Variants in NAA50 observed in about 807,000 individuals in gnomAD.
NAA50 encodes N-alpha-acetyltransferase 50.
A neutral mutation model predicts 20.7 loss-of-function variants in NAA50; 7 were observed. The observed-to-expected ratio is 0.34, with a 90% CI of 0.19 to 0.63. The LOEUF (loss-of-function observed/expected upper bound fraction) is 0.63. Ranked by LOEUF, NAA50 falls within the 30% of genes least tolerant of loss-of-function variation. The probability of loss-of-function intolerance (pLI) is 0.75; values close to 1 mark genes in which losing one functional copy is unlikely to be tolerated. For synonymous variants in NAA50, 54 were observed against 70.6 expected (o/e 0.77, Z 1.18); for missense variants, 111 against 199.1 (o/e 0.56, Z 2.66).
Position 113,721,514 on chromosome 3 carries a change from A to C in NAA50, c.*246T>G, listed in dbSNP as rs1708135809. On this transcript the variant is annotated 3_prime_UTR_variant, in exon 5 of 5. Transcript: ENST00000240922. ...CCATCTAACTTCAACTGCAAAACTA[A>C]ACAGATCTACCTTGTCCTTCCTTCA... is the stretch of plus-strand genomic sequence containing the variant. The C allele has an allele frequency of 7.7e-6, 4 of 520,150 alleles. No homozygotes were observed. In the South Asian group the frequency reaches 9.8e-5, roughly 13 times the overall value. 32.2% of individuals were successfully genotyped at this position (520,150 alleles called of 1,614,324 possible). A position where few individuals can be genotyped will look rare whatever the true frequency, so the allele number is the denominator to read the frequency against.
Position 113,727,084 on chromosome 3 carries a change from G to T in NAA50, c.9-2989C>A, listed in dbSNP as rs555362040. Among the ~76,000 whole-genome samples the T allele has an allele frequency of 5.3e-5, 8 of 152,330 alleles. No homozygotes were observed. The South Asian group carries it at 1.7e-3, about 32-fold the overall frequency. On this transcript the variant is annotated intron_variant, in intron 1 of 4. Transcript: ENST00000240922. ...TGGGCCTACAGGCGTGAGCCACTGT[G>T]CCTGGCCAAAATATAGGATCCTTTA...
chr3:113,721,963 AAAAATT>A, intron 4 of NAA50, 26 bp from the exon 5 acceptor site: 2 of 1,589,144 alleles, frequency 1.3e-6, no homozygotes. Flanking sequence ...GTATCAGAAA[AAAAATT>A]AAAATTAAGG....
intron 1 of NAA50, chr3:113,741,019 T>C: frequency 2.0e-6 from 1 of 488,948 alleles, no homozygotes; most frequent in Non-Finnish European, 4.1e-6. Context: ...CATTAACAGT[T>C]ACTTTTCTAA....
At chr3:113,740,777 C>G (rs1708404530) in intron 1 of NAA50, 1 of 170,804 alleles carries the variant, frequency 5.9e-6, no homozygotes, top group Admixed American at 6.2e-5. Context: ...AATTGAGACC[C>G]AATGACAAAA....
chr3:113,732,966 A>G (rs1026443056), intron 1 of NAA50, among the ~76,000 whole-genome samples: 4 of 149,560 alleles, frequency 2.7e-5, no homozygotes, highest in African/African-American at 9.8e-5. Flanking sequence ...CATTGGACGT[A>G]TTTCTCTACT....
At chr3:113,729,876 C>G (rs1577069495) in intron 1 of NAA50, among the ~76,000 whole-genome samples, 3 of 152,022 alleles carry the variant, frequency 2.0e-5, no homozygotes, top group Admixed American at 2.0e-4. Flanking sequence ...TCCTTCAAAT[C>G]AAAGTTTCAT....
At chr3:113,727,705 A>G (rs1481412532) in intron 1 of NAA50, among the ~76,000 whole-genome samples, 3 of 152,098 alleles carry the variant, frequency 2.0e-5, no homozygotes, top group Non-Finnish European at 2.9e-5. Flanking sequence ...GGCCAGAAAT[A>G]AGTTTGCTGA....
In NAA50 at chr3:113,727,631, C is replaced by CT. The variant is rs748920211; in HGVS notation, c.9-3537dup. On this transcript the variant is annotated intron_variant, in intron 1 of 4. Coordinates refer to ENST00000240922, the MANE Select transcript of NAA50 (RefSeq NM_025146.4). ...CCTAACTAATTAAAAAAATACATGC[C>CT]TTTTTTTTTTTTAAAGCACACCATA... is the stretch of plus-strand genomic sequence containing the variant. 5.7e-3 allele frequency among the ~76,000 whole-genome samples: 816 copies of CT among 143,366 alleles called. 2 individuals carry two copies. Among genetic ancestry groups the CT allele is most frequent in the Non-Finnish European group, 8.2e-3 (536 of 65,016 alleles). The allele number at this position is 143,366 out of a possible 152,430, so 94.1% of individuals were successfully genotyped here.
chr3:113,729,777 T>C (rs763058288), intron 1 of NAA50, among the ~76,000 whole-genome samples: 61 of 151,974 alleles, frequency 4.0e-4, no homozygotes, highest in Non-Finnish European at 8.5e-4. Context: ...AGGCTGGTCT[T>C]GAACTCCTGA....
chr3:113,723,391 C>T, intron 3 of NAA50, 31 bp downstream of exon 3: 1 of 1,586,442 alleles, frequency 6.3e-7, no homozygotes, highest in Non-Finnish European at 8.6e-7. Context: ...TTATGCTTCT[C>T]TGAAGAAGTA....
chr3:113,742,420 C>A (rs973827428), intron 1 of NAA50, among the ~76,000 whole-genome samples: 3 of 150,022 alleles, frequency 2.0e-5, no homozygotes, highest in Non-Finnish European at 4.4e-5. Flanking sequence ...CACCAGCATG[C>A]CTGGCTTTTT....
rs1303315585 is a variant in NAA50 at position 113,716,535 on chromosome 3, T to C, written c.*5225A>G. The C allele has an allele frequency of 6.6e-6, 1 of 152,234 alleles. No homozygotes were observed. Among genetic ancestry groups the C allele is most frequent in the East Asian group, 1.9e-4 (1 of 5,206 alleles). 9.4% of individuals were successfully genotyped at this position (152,234 alleles called of 1,614,324 possible). A position where few individuals can be genotyped will look rare whatever the true frequency, so the allele number is the denominator to read the frequency against. On this transcript the variant is annotated 3_prime_UTR_variant, in exon 5 of 5. Transcript: ENST00000240922. ...AGGAGAATTCAAGATTGTTCAAATC[T>C]TTACAGAAGATTTTTGATACTAGCA...
intron 1 of NAA50, chr3:113,739,322 T>G (rs545862151): frequency 6.6e-6 from 1 of 152,352 alleles, no homozygotes; most frequent in South Asian, 2.1e-4. Flanking sequence ...CGTTAGCCCT[T>G]GGAAAGAGAA....
chr3:113,738,397 A>G (rs1708372512), intron 1 of NAA50, among the ~76,000 whole-genome samples: 1 of 152,278 alleles, frequency 6.6e-6, no homozygotes, highest in Admixed American at 6.5e-5. Context: ...CAAAAGAGAC[A>G]GCATCACTTT....
In NAA50 at chr3:113,746,238, C is replaced by A. The variant is rs1031943659; in HGVS notation, c.-289G>T. 2 of 427,836 alleles carry A rather than the reference C, an allele frequency of 4.7e-6. No individual in the cohort carries two copies. Among genetic ancestry groups the A allele is most frequent in the Non-Finnish European group, 8.3e-6 (2 of 240,200 alleles). 26.5% of individuals were successfully genotyped at this position (427,836 alleles called of 1,614,324 possible). A position where few individuals can be genotyped will look rare whatever the true frequency, so the allele number is the denominator to read the frequency against. ...GCCGCCAGCCAGACCCGCTGCCGCG[C>A]TGTGACCTTTCACCCCGCCCCTCGC... is the stretch of plus-strand genomic sequence containing the variant. On this transcript the variant is annotated 5_prime_UTR_variant, in exon 1 of 5. Transcript: ENST00000240922.
At chr3:113,732,305 A>T (rs1340364095) in intron 1 of NAA50, among the ~76,000 whole-genome samples, 1 of 152,252 alleles carries the variant, frequency 6.6e-6, no homozygotes, top group African/African-American at 2.4e-5. Flanking sequence ...ATGAAGGAAG[A>T]GCCAGGAGCT....
chr3:113,734,102 C>T (rs1708307395), intron 1 of NAA50, among the ~76,000 whole-genome samples: 1 of 152,108 alleles, frequency 6.6e-6, no homozygotes, highest in African/African-American at 2.4e-5. Context: ...CACACATACA[C>T]CATGGAATAC....
chr3:113,726,181 TAAAC>T lies in NAA50; in HGVS notation c.9-2090_9-2087del, dbSNP rs574695719. On this transcript the variant is annotated intron_variant, in intron 1 of 4. Coordinates refer to ENST00000240922, the MANE Select transcript of NAA50 (RefSeq NM_025146.4). ...TTTCTTAGCAACCACACAGATTAAATAAACAAACATGTTAGTAAAAGGGTAAGAG... is the reference window on the plus strand; with the variant it reads ...TTTCTTAGCAACCACACAGATTAAATAAACATGTTAGTAAAAGGGTAAGAG... Among the ~76,000 whole-genome samples the T allele has an allele frequency of 2.0e-5, 3 of 152,276 alleles. No homozygotes were observed. The East Asian group carries it at 5.8e-4, about 29-fold the overall frequency.
chr3:113,731,535 T>C (rs1284831104), intron 1 of NAA50, among the ~76,000 whole-genome samples: 2 of 152,202 alleles, frequency 1.3e-5, no homozygotes, highest in Middle Eastern at 3.2e-3. Flanking sequence ...AGTGATTTTT[T>C]TACTATAAAG....
Sources: gnomAD v4.1 joint callset for allele counts (sites outside exome capture counted in the v4.1 genomes callset) on GRCh38, gnomAD v4.1.1 for gene constraint, MANE v1.5 for transcripts, NCBI Gene and HGNC (gene_info 2026-07-23, HGNC 2026-07-21) for gene names.